ABCA6: variants seen among roughly 807,000 people sequenced by gnomAD.
ABCA6 encodes the protein ATP binding cassette subfamily A member 6, also known as ATP-binding cassette sub-family A member 6.
A neutral mutation model predicts 191.2 loss-of-function variants in ABCA6; 164 were observed. That is an observed-to-expected ratio of 0.86 (90% CI 0.76 to 0.98). The LOEUF (loss-of-function observed/expected upper bound fraction) is 0.98. ABCA6 is among the 50% of genes least tolerant of loss of function. The pLI is 0.00. For missense variants in ABCA6, 1,958 were observed against 1,894.1 expected (o/e 1.03, Z -0.63); for synonymous variants, 636 against 647.7 (o/e 0.98, Z 0.27).
chr17:69,137,513 T>A lies in ABCA6; in HGVS notation c.97-13A>T. ...AGAGGCCCCATTCCTGTAATGCATA[T>A]AAAAAGAAAAATAATGAATTAAGGT... On this transcript the variant is annotated splice_polypyrimidine_tract_variant and intron_variant, in intron 2 of 38. Coordinates refer to ENST00000284425, the MANE Select transcript of ABCA6 (RefSeq NM_080284.3). 1.9e-6 allele frequency: 3 copies of A among 1,597,616 alleles called. No individual in the cohort carries two copies. The highest frequency in any genetic ancestry group is 1.7e-6 in the Non-Finnish European group (2 of 1,173,528).
chr17:69,118,097 G>C, intron 10 of ABCA6, 141 bp from the exon 11 acceptor site: 1 of 509,950 alleles, frequency 2.0e-6, no homozygotes, highest in Middle Eastern at 2.9e-4. Context: ...TATTCAGAAA[G>C]AAAAAACCCT....
At chr17:69,089,397 G>C (rs2144620948) in intron 27 of ABCA6, 68 bp downstream of exon 27, 1 of 1,442,936 alleles carries the variant, frequency 6.9e-7, no homozygotes, top group Non-Finnish European at 9.7e-7. Flanking sequence ...CTTTGGACAA[G>C]ATCAAATTGT....
chr17:69,084,981 AG>A (rs1333156796), intron 32 of ABCA6, 46 bp downstream of exon 32: 6 of 1,557,736 alleles, frequency 3.9e-6, no homozygotes, highest in African/African-American at 1.4e-5. Context: ...TCAGTGCTAC[AG>A]TCTCCCTGCA....
chr17:69,114,473 G>C (rs2073497211), intron 13 of ABCA6, among the ~76,000 whole-genome samples: 1 of 151,444 alleles, frequency 6.6e-6, no homozygotes, highest in Non-Finnish European at 1.5e-5. Context: ...TAAATGACGA[G>C]TTACTGGGTG....
chr17:69,113,512 T>C, intron 14 of ABCA6, 106 bp downstream of exon 14: 5 of 1,566,710 alleles, frequency 3.2e-6, no homozygotes, highest in Non-Finnish European at 4.3e-6. Flanking sequence ...TAGCAGGTTC[T>C]CTCTTGATGC....
intron 6 of ABCA6, among the ~76,000 whole-genome samples, chr17:69,130,621 T>C (rs1431705253): frequency 6.6e-6 from 1 of 152,178 alleles, no homozygotes; most frequent in Non-Finnish European, 1.5e-5. Context: ...GCCAAGAACA[T>C]TCTCGTACTT....
intron 3 of ABCA6, 71 bp downstream of exon 3, chr17:69,137,225 A>C (rs529833538): frequency 8.7e-5 from 120 of 1,384,358 alleles, no homozygotes; most frequent in Admixed American, 3.2e-4. Context: ...CTTCAAATTA[A>C]TGTGTAGACA....
At chr17:69,104,727 T>C (rs945245598) in intron 20 of ABCA6, 1 of 148,480 alleles carries the variant, frequency 6.7e-6, no homozygotes, top group African/African-American at 2.5e-5. Context: ...CCCAGCACTT[T>C]GGGAGGCCAA....
intron 5 of ABCA6, 39 bp downstream of exon 5, chr17:69,134,600 C>T (rs780601108): frequency 1.4e-6 from 2 of 1,453,482 alleles, no homozygotes; most frequent in South Asian, 2.3e-5. Context: ...CTGGAAGTAG[C>T]TGACATTAAT....
intron 13 of ABCA6, 92 bp downstream of exon 13, chr17:69,114,670 C>A (rs2073501899): frequency 7.7e-7 from 1 of 1,299,634 alleles, no homozygotes; most frequent in Non-Finnish European, 1.0e-6. Flanking sequence ...TTATTCATAA[C>A]AGGGCAAATA....
Position 69,083,196 on chromosome 17 carries a change from T to C in ABCA6, c.4475+16A>G. The C allele has an allele frequency of 6.3e-7, 1 of 1,580,468 alleles. No individual in the cohort carries two copies. Among genetic ancestry groups the C allele is most frequent in the Non-Finnish European group, 8.6e-7 (1 of 1,168,678 alleles). ...TCATTTTGAGCATCAAATGCAGGCT[T>C]CGGAGAGACACCCACCTAAGCCTTC... On this transcript the variant is annotated intron_variant, in intron 35 of 38. Coordinates refer to ENST00000284425, the MANE Select transcript of ABCA6 (RefSeq NM_080284.3).
Position 69,112,425 on chromosome 17 carries a change from C to T in ABCA6, c.2042-152G>A, listed in dbSNP as rs374713710. The T allele has an allele frequency of 1.1e-4, 59 of 561,068 alleles. No homozygotes were observed. The African/African-American group carries it at 1.1e-3, about 10-fold the overall frequency. 34.8% of individuals were successfully genotyped at this position (561,068 alleles called of 1,614,324 possible). ...AGTGTGCATTTTAACATTTGAAATACATATTAAAATTGATGCATTTAAAAT... is the reference window on the plus strand; with the variant it reads ...AGTGTGCATTTTAACATTTGAAATATATATTAAAATTGATGCATTTAAAAT... On this transcript the variant is annotated intron_variant, in intron 15 of 38. Coordinates refer to ENST00000284425, the MANE Select transcript of ABCA6 (RefSeq NM_080284.3).
At chr17:69,124,697 A>C (rs2073715949) in intron 9 of ABCA6, among the ~76,000 whole-genome samples, 191 bp downstream of exon 9, 1 of 151,950 alleles carries the variant, frequency 6.6e-6, no homozygotes, top group South Asian at 2.1e-4. Flanking sequence ...TGCTATAGTA[A>C]AGTCATAAGA....
rs148421455 is a variant in ABCA6 at position 69,137,541 on chromosome 17, C to G, written c.97-41G>C. 5.7e-6 allele frequency: 9 copies of G among 1,568,106 alleles called. No individual in the cohort carries two copies. In the East Asian group the frequency reaches 2.0e-4, roughly 35 times the overall value. Reference sequence around the variant, plus strand: ...AAAGAAAAATAATGAATTAAGGTTGCATTCACTTAAAGATCTCAGTTAATA... The same window carrying G: ...AAAGAAAAATAATGAATTAAGGTTGGATTCACTTAAAGATCTCAGTTAATA... On this transcript the variant is annotated intron_variant, in intron 2 of 38. Coordinates refer to ENST00000284425, the MANE Select transcript of ABCA6 (RefSeq NM_080284.3).
At chr17:69,121,405 G>A (rs1405567245) in intron 10 of ABCA6, among the ~76,000 whole-genome samples, 1 of 152,042 alleles carries the variant, frequency 6.6e-6, no homozygotes, top group Non-Finnish European at 1.5e-5. Flanking sequence ...TCTTGCTTTG[G>A]TGTGGATCTG....
At chr17:69,126,553 C>A (rs114631517) in intron 8 of ABCA6, among the ~76,000 whole-genome samples, 1 of 151,726 alleles carries the variant, frequency 6.6e-6, no homozygotes, top group South Asian at 2.1e-4. Flanking sequence ...GAGGCCGAGG[C>A]GGGAAGATCA....
chr17:69,113,574 C>G, intron 14 of ABCA6, 44 bp downstream of exon 14: 1 of 1,611,162 alleles, frequency 6.2e-7, no homozygotes, highest in Admixed American at 1.7e-5. Flanking sequence ...TGACATTTTG[C>G]AGACATTCGA....
chr17:69,136,304 A>T (rs2073947900), intron 3 of ABCA6, 54 bp from the exon 4 acceptor site: 1 of 1,299,756 alleles, frequency 7.7e-7, no homozygotes, highest in Non-Finnish European at 1.0e-6. Context: ...TTTTGCCACA[A>T]CATAATGTGA....
chr17:69,112,268 TTC>T lies in ABCA6; in HGVS notation c.2045_2046del (p.Arg682LysfsTer32), dbSNP rs1341034742. On this transcript the variant is annotated frameshift_variant, in exon 16 of 39. Coordinates refer to ENST00000284425, the MANE Select transcript of ABCA6 (RefSeq NM_080284.3). LOFTEE classifies it high-confidence loss of function. ...SMDEADILAD[R>X]KVIMSNGRLK... Reference sequence around the variant, plus strand: ...AGTCTCCCATTGGACATGATCACTTTTCTATCTGAATGAAAGAAATCAAGGGA... The same window carrying T: ...AGTCTCCCATTGGACATGATCACTTTTATCTGAATGAAAGAAATCAAGGGA... 1.2e-6 allele frequency: 2 copies of T among 1,610,276 alleles called. No individual in the cohort carries two copies. The highest frequency in any genetic ancestry group is 2.7e-5 in the African/African-American group (2 of 74,640).
Sources: gnomAD v4.1 joint callset for allele counts (sites outside exome capture counted in the v4.1 genomes callset) on GRCh38, gnomAD v4.1.1 for gene constraint, MANE v1.5 for transcripts, NCBI Gene and HGNC (gene_info 2026-07-23, HGNC 2026-07-21) for gene names.